The following GALNTL6 variants were observed in gnomAD, a reference collection of about 807,000 sequenced individuals.
GALNTL6 encodes polypeptide N-acetylgalactosaminyltransferase-like 6.
In GALNTL6, 46 loss-of-function variants were observed where a neutral mutation model predicts 73.7. The observed-to-expected ratio is 0.62, with a 90% CI of 0.49 to 0.80. The LOEUF (loss-of-function observed/expected upper bound fraction) is 0.80, where lower values mean the gene tolerates loss of function less well. Among genes scored for constraint, GALNTL6 ranks in the 30% least tolerant of loss-of-function variants. The pLI is 0.00. For synonymous variants in GALNTL6, 259 were observed against 263.7 expected (o/e 0.98, Z 0.17); for missense variants, 604 against 755.0 (o/e 0.80, Z 2.34).
chr4:172,758,925 AG>A (rs1270158597), intron 5 of GALNTL6, among the ~76,000 whole-genome samples: 1 of 152,222 alleles, frequency 6.6e-6, no homozygotes, highest in East Asian at 1.9e-4. Flanking sequence ...AAAAGTCCCA[AG>A]GGGGGACTAT....
intron 5 of GALNTL6, among the ~76,000 whole-genome samples, chr4:172,448,231 A>G (rs1286782083): frequency 6.6e-6 from 1 of 152,184 alleles, no homozygotes; most frequent in Non-Finnish European, 1.5e-5. Flanking sequence ...TGTGAGTGAC[A>G]AAGTCCAGAA....
rs1578951559 is a variant in GALNTL6, at chr4:172,319,826, T to C, written c.386+8074T>C. On this transcript the variant is annotated intron_variant, in intron 4 of 12. Coordinates refer to ENST00000506823, the MANE Select transcript of GALNTL6 (RefSeq NM_001034845.3). ...ATTTCTTTAAAAATATCTAAGTCTC[T>C]GGAAATGGTCCTAAAGGCAAATAGA... 3.9e-5 allele frequency among the ~76,000 whole-genome samples: 6 copies of C among 152,274 alleles called. No homozygotes were observed. In the South Asian group the frequency reaches 1.2e-3, roughly 32 times the overall value.
chr4:172,445,046 A>G (rs1731971422), intron 5 of GALNTL6, among the ~76,000 whole-genome samples: 1 of 152,164 alleles, frequency 6.6e-6, no homozygotes. Flanking sequence ...GTCATAAAAC[A>G]TCATCAAAAT....
rs561585802 is a variant in GALNTL6 at position 172,659,833 on chromosome 4, T to C, written c.554-149528T>C. ...TGAGGCTTCCCTGGAGAAGAAATTC[T>C]GCCTGAGGACAGCAGCTTCAACTCT... is the stretch of plus-strand genomic sequence containing the variant. On this transcript the variant is annotated intron_variant, in intron 5 of 12. Coordinates refer to ENST00000506823, the MANE Select transcript of GALNTL6 (RefSeq NM_001034845.3). Among the ~76,000 whole-genome samples, 20 of 152,342 alleles carry C rather than the reference T, an allele frequency of 1.3e-4. No homozygotes were observed. In the East Asian group the frequency reaches 3.9e-3, roughly 29 times the overall value.
At chr4:172,132,734 T>G (rs986907447) in intron 2 of GALNTL6, among the ~76,000 whole-genome samples, 2 of 152,190 alleles carry the variant, frequency 1.3e-5, no homozygotes, top group Admixed American at 6.5e-5. Flanking sequence ...TTTTTATGAA[T>G]GCAGTGTTTA....
intron 5 of GALNTL6, among the ~76,000 whole-genome samples, chr4:172,622,625 T>C (rs867398288): frequency 3.9e-4 from 59 of 152,082 alleles, no homozygotes; most frequent in Admixed American, 9.2e-4. Context: ...GATAATATGC[T>C]CCTCTGAAAC....
chr4:172,615,067 A>G (rs1324474405), intron 5 of GALNTL6, among the ~76,000 whole-genome samples: 1 of 152,000 alleles, frequency 6.6e-6, no homozygotes, highest in Non-Finnish European at 1.5e-5. Context: ...CACCCTGCTT[A>G]TTTGCCTTTC....
intron 3 of GALNTL6, among the ~76,000 whole-genome samples, chr4:172,296,536 C>T (rs1739680511): frequency 6.6e-6 from 1 of 152,082 alleles, no homozygotes; most frequent in Non-Finnish European, 1.5e-5. Context: ...CAACAGGCCC[C>T]AGTGTGTGAT....
intron 5 of GALNTL6, among the ~76,000 whole-genome samples, chr4:172,503,065 G>A (rs1734319987): frequency 6.6e-6 from 1 of 152,152 alleles, no homozygotes. Context: ...GAGAGTTTGT[G>A]TAATTAAAAG....
At chr4:172,022,865 C>A (rs145546484) in intron 2 of GALNTL6, among the ~76,000 whole-genome samples, 1 of 151,994 alleles carries the variant, frequency 6.6e-6, no homozygotes, top group Non-Finnish European at 1.5e-5. Flanking sequence ...TCTAACAATT[C>A]TCTGAGCCAC....
chr4:172,361,838 T>C (rs1021494355), intron 5 of GALNTL6, among the ~76,000 whole-genome samples: 1 of 152,158 alleles, frequency 6.6e-6, no homozygotes, highest in Non-Finnish European at 1.5e-5. Context: ...TAGCTTTATA[T>C]CTTGGCTTTC....
At chr4:172,791,730 T>C (rs1156775251) in intron 5 of GALNTL6, among the ~76,000 whole-genome samples, 1 of 152,188 alleles carries the variant, frequency 6.6e-6, no homozygotes, top group Non-Finnish European at 1.5e-5. Context: ...TTCCTACTTT[T>C]GGGTTCTATG....
chr4:171,951,568 T>C (rs1384025500), intron 2 of GALNTL6, among the ~76,000 whole-genome samples: 2 of 150,268 alleles, frequency 1.3e-5, no homozygotes, highest in African/African-American at 4.9e-5. Flanking sequence ...AAGTAAAACA[T>C]TGTGCACTCA....
chr4:172,812,972 G>A (rs541050540), intron 6 of GALNTL6, among the ~76,000 whole-genome samples: 52 of 152,268 alleles, frequency 3.4e-4, no homozygotes, highest in Non-Finnish European at 6.9e-4. Flanking sequence ...ACAGAGTTTA[G>A]CTTCAAGAAC....
chr4:172,440,871 T>C (rs778427172), intron 5 of GALNTL6, among the ~76,000 whole-genome samples: 3 of 152,138 alleles, frequency 2.0e-5, no homozygotes, highest in Non-Finnish European at 4.4e-5. Context: ...TTTTATGATA[T>C]AACTATAAAA....
intron 5 of GALNTL6, among the ~76,000 whole-genome samples, chr4:172,549,981 C>A (rs1256970463): frequency 2.6e-5 from 4 of 152,112 alleles, no homozygotes; most frequent in Non-Finnish European, 5.9e-5. Flanking sequence ...ATATAACTTC[C>A]TTTATTCTCC....
intron 2 of GALNTL6, among the ~76,000 whole-genome samples, chr4:172,079,268 AATATATT>A (rs1731803231): frequency 2.0e-5 from 3 of 152,026 alleles, no homozygotes; most frequent in Non-Finnish European, 2.9e-5. Flanking sequence ...TTGTGTGTAA[AATATATT>A]ATAGATAATG....
intron 2 of GALNTL6, among the ~76,000 whole-genome samples, chr4:172,119,593 C>T (rs551850877): frequency 6.6e-6 from 1 of 152,246 alleles, no homozygotes; most frequent in East Asian, 1.9e-4. Context: ...GTGTTCTAAC[C>T]AGAGGTCAGC....
At chr4:172,784,971 G>C (rs969247786) in intron 5 of GALNTL6, among the ~76,000 whole-genome samples, 2 of 152,098 alleles carry the variant, frequency 1.3e-5, no homozygotes, top group Non-Finnish European at 2.9e-5. Flanking sequence ...GGCAGATCTC[G>C]TGTCTTTCTT....
Sources: gnomAD v4.1 joint callset for allele counts (sites outside exome capture counted in the v4.1 genomes callset) on GRCh38, gnomAD v4.1.1 for gene constraint, MANE v1.5 for transcripts, NCBI Gene and HGNC (gene_info 2026-07-23, HGNC 2026-07-21) for gene names.